PTPRG: variants seen among roughly 807,000 people sequenced by gnomAD.
PTPRG encodes the protein protein tyrosine phosphatase receptor type G.
A neutral mutation model predicts 165.3 loss-of-function variants in PTPRG; 102 were observed. The ratio of observed to expected loss-of-function variants is 0.62; its 90% CI spans 0.53 to 0.73. The LOEUF is 0.73. PTPRG is among the 30% of genes least tolerant of loss of function. The pLI is 0.00. For synonymous variants in PTPRG, 675 were observed against 669.5 expected, an observed-to-expected ratio of 1.01 and a Z score of -0.13; for missense variants, 1,866 against 1,861.4, an observed-to-expected ratio of 1.00 and a Z score of -0.05.
chr3:61,809,168 G>A (rs527525026), intron 2 of PTPRG, among the ~76,000 whole-genome samples: 5 of 150,742 alleles, frequency 3.3e-5, no homozygotes, highest in Admixed American at 2.0e-4. Context: ...ATCACGGTGG[G>A]GGAGGTTAGT....
intron 1 of PTPRG, among the ~76,000 whole-genome samples, chr3:61,734,700 G>T (rs1048502822): frequency 6.6e-6 from 1 of 152,128 alleles, no homozygotes; most frequent in African/African-American, 2.4e-5. Flanking sequence ...TTCAACGTTA[G>T]TGTATTTATT....
chr3:62,136,778 C>G (rs955928004), intron 6 of PTPRG, among the ~76,000 whole-genome samples: 2 of 152,206 alleles, frequency 1.3e-5, no homozygotes, highest in African/African-American at 4.8e-5. Context: ...ACATGCCTTT[C>G]ACCTTCCACC....
chr3:61,675,445 T>G (rs1456513410), intron 1 of PTPRG, among the ~76,000 whole-genome samples: 1 of 120,504 alleles, frequency 8.3e-6, no homozygotes. Flanking sequence ...AATATATGGT[T>G]CATGATAGAA....
intron 2 of PTPRG, among the ~76,000 whole-genome samples, chr3:61,930,503 T>A (rs2039331570): frequency 6.6e-6 from 1 of 152,172 alleles, no homozygotes; most frequent in Non-Finnish European, 1.5e-5. Context: ...ATCTTATGTG[T>A]TGCGTCTTAC....
chr3:61,787,837 C>A lies in PTPRG; in HGVS notation c.190+38855C>A, dbSNP rs563680085. Among the ~76,000 whole-genome samples the A allele has an allele frequency of 2.0e-5, 3 of 152,074 alleles. No individual in the cohort carries two copies. The South Asian group carries it at 6.2e-4, about 32-fold the overall frequency. On this transcript the variant is annotated intron_variant, in intron 2 of 29. Transcript: ENST00000474889. Reference sequence around the variant, plus strand: ...CTTAGGTAGACATTTGTGAACATGACGGCTTTAGTGATACCCCTCGTTACC... The same window carrying A: ...CTTAGGTAGACATTTGTGAACATGAAGGCTTTAGTGATACCCCTCGTTACC...
intron 28 of PTPRG, among the ~76,000 whole-genome samples, chr3:62,283,074 G>C (rs968695038): frequency 1.3e-5 from 2 of 151,992 alleles, no homozygotes; most frequent in African/African-American, 4.8e-5. Flanking sequence ...AAGACTCCAG[G>C]TTCTTCTAGA....
chr3:61,940,825 G>A (rs989819853), intron 2 of PTPRG, among the ~76,000 whole-genome samples: 17 of 151,972 alleles, frequency 1.1e-4, no homozygotes, highest in African/African-American at 3.4e-4. Context: ...CACCATGCCC[G>A]GCTAATTTTT....
At chr3:62,288,704 A>T (rs1702764857) in intron 28 of PTPRG, among the ~76,000 whole-genome samples, 2 of 151,812 alleles carry the variant, frequency 1.3e-5, no homozygotes, top group Admixed American at 1.3e-4. Context: ...AAAGTTGTTA[A>T]TTTGCTTAGG....
At chr3:61,642,467 A>G (rs17065144) in intron 1 of PTPRG, among the ~76,000 whole-genome samples, 12,746 of 152,152 alleles carry the variant, frequency 0.084, 818 homozygotes, top group African/African-American at 0.18. Flanking sequence ...CTGAAGAGTG[A>G]TCTGGTTCTA....
At chr3:61,736,870 A>G (rs2032743027) in intron 1 of PTPRG, among the ~76,000 whole-genome samples, 2 of 152,228 alleles carry the variant, frequency 1.3e-5, no homozygotes, top group African/African-American at 2.4e-5. Context: ...CTGTAATTAT[A>G]CTAAAAACCA....
chr3:62,102,566 C>T (rs977670582), intron 5 of PTPRG, among the ~76,000 whole-genome samples: 5 of 152,256 alleles, frequency 3.3e-5, no homozygotes, highest in African/African-American at 4.8e-5. Flanking sequence ...CCACCACGCC[C>T]GGCCTGGACA....
intron 2 of PTPRG, among the ~76,000 whole-genome samples, chr3:61,827,700 C>T (rs1259778205): frequency 1.3e-5 from 2 of 152,108 alleles, no homozygotes; most frequent in South Asian, 2.1e-4. Flanking sequence ...TATTTTGCCT[C>T]ATTAGGTTAT....
chr3:62,031,141 A>C (rs536130526), intron 4 of PTPRG, among the ~76,000 whole-genome samples: 9 of 152,366 alleles, frequency 5.9e-5, no homozygotes, highest in African/African-American at 1.9e-4. Context: ...ATAGGTGTTT[A>C]GGAGTAACTG....
intron 3 of PTPRG, among the ~76,000 whole-genome samples, chr3:61,994,113 C>T (rs1001559333): frequency 2.0e-5 from 3 of 152,202 alleles, no homozygotes; most frequent in African/African-American, 7.2e-5. Flanking sequence ...TTGATTTCAT[C>T]TAAAGTTATT....
At chr3:62,276,750 C>G (rs914711356) in intron 24 of PTPRG, 2 of 520,344 alleles carry the variant, frequency 3.8e-6, no homozygotes, top group Non-Finnish European at 6.8e-6. Context: ...CACAGTAAAA[C>G]TGTATTCCTA....
At chr3:62,105,021 G>T (rs555615578) in intron 5 of PTPRG, among the ~76,000 whole-genome samples, 1 of 152,186 alleles carries the variant, frequency 6.6e-6, no homozygotes, top group African/African-American at 2.4e-5. Context: ...ATACAATAAA[G>T]AAATCATCAT....
At chr3:62,056,723 C>A (rs1472638096) in intron 4 of PTPRG, among the ~76,000 whole-genome samples, 1 of 152,136 alleles carries the variant, frequency 6.6e-6, no homozygotes, top group African/African-American at 2.4e-5. Flanking sequence ...GGGGTAATTA[C>A]GATTACTGCA....
intron 1 of PTPRG, among the ~76,000 whole-genome samples, chr3:61,727,628 C>A (rs2032320017): frequency 6.6e-6 from 1 of 152,198 alleles, no homozygotes. Flanking sequence ...TTACAGCCAA[C>A]ACTGGTTAAT....
At chr3:62,001,744 G>A (rs1316185297) in intron 3 of PTPRG, among the ~76,000 whole-genome samples, 2 of 152,098 alleles carry the variant, frequency 1.3e-5, no homozygotes, top group South Asian at 2.1e-4. Context: ...ATGACACGTT[G>A]AAAATTTTGT....
Sources: gnomAD v4.1 joint callset for allele counts (sites outside exome capture counted in the v4.1 genomes callset) on GRCh38, gnomAD v4.1.1 for gene constraint, MANE v1.5 for transcripts, NCBI Gene and HGNC (gene_info 2026-07-23, HGNC 2026-07-21) for gene names.